LCORL: variants seen among roughly 807,000 people sequenced by gnomAD.
LCORL encodes ligand dependent nuclear receptor corepressor like.
In LCORL, 41 loss-of-function variants were observed where a neutral mutation model predicts 141.8. The ratio of observed to expected loss-of-function variants is 0.29; its 90% CI spans 0.23 to 0.38. The LOEUF is 0.38. Among genes scored for constraint, LCORL ranks in the 10% least tolerant of loss-of-function variants. The pLI is 1.00. For synonymous variants in LCORL, 618 were observed against 694.1 expected (o/e 0.89, Z 1.72); for missense variants, 1,759 against 2,035.0 (o/e 0.86, Z 2.61).
intron 7 of LCORL, among the ~76,000 whole-genome samples, chr4:17,847,418 T>C (rs774450500): frequency 6.6e-6 from 1 of 152,152 alleles, no homozygotes; most frequent in Non-Finnish European, 1.5e-5. Context: ...CTAAATCCGT[T>C]ATATCCTGTT....
rs985533541 is a variant in LCORL, at chr4:17,852,395, G to GA, written c.5603-6495dup. 2.6e-4 allele frequency among the ~76,000 whole-genome samples: 38 copies of GA among 147,540 alleles called. No homozygotes were observed. In the East Asian group the frequency reaches 3.0e-3, roughly 11 times the overall value. On this transcript the variant is annotated intron_variant, in intron 7 of 7. Coordinates refer to ENST00000635767, the Ensembl canonical transcript of LCORL. Reference sequence around the variant, plus strand: ...ACCTCTTGCCTCATTTTCTTCATAAGAAAAAAAAAAGGTACTTTCGCTGCT... The same window carrying GA: ...ACCTCTTGCCTCATTTTCTTCATAAGAAAAAAAAAAAGGTACTTTCGCTGCT...
chr4:17,843,410 T>C (rs1560238138), exon 8 of LCORL: 4 of 1,611,310 alleles, frequency 2.5e-6, no homozygotes, highest in Non-Finnish European at 2.5e-6. Context: ...AATTTCTCAA[T>C]GAAGATCTAA....
chr4:17,992,825 T>C (rs565374439), intron 1 of LCORL, among the ~76,000 whole-genome samples: 1 of 152,346 alleles, frequency 6.6e-6, no homozygotes, highest in South Asian at 2.1e-4. Flanking sequence ...TGTAAAACTG[T>C]AATTTATAAA....
At chr4:17,924,484 G>A (rs34984670) in intron 4 of LCORL, among the ~76,000 whole-genome samples, 3,267 of 152,248 alleles carry the variant, frequency 0.021, 62 homozygotes, top group Non-Finnish European at 0.034. Context: ...ACTATTCCTC[G>A]GGGTGATCAG....
intron 4 of LCORL, among the ~76,000 whole-genome samples, chr4:17,946,132 A>C (rs1738839742): frequency 6.6e-6 from 1 of 152,028 alleles, no homozygotes; most frequent in Admixed American, 6.5e-5. Context: ...CAAAACCATG[A>C]AAACCCACCT....
intron 5 of LCORL, chr4:17,893,641 G>C (rs1729447377): frequency 1.0e-6 from 1 of 974,102 alleles, no homozygotes; most frequent in East Asian, 1.1e-4. Context: ...TTGTTTTCTA[G>C]TTTTGCTACA....
At chr4:17,990,637 T>C (rs969568076) in intron 1 of LCORL, among the ~76,000 whole-genome samples, 2 of 144,988 alleles carry the variant, frequency 1.4e-5, no homozygotes, top group African/African-American at 5.4e-5. Context: ...TAAATTCCCA[T>C]CTTGGTTTTT....
chr4:17,893,454 T>G, intron 5 of LCORL: 2 of 985,248 alleles, frequency 2.0e-6, no homozygotes, highest in Non-Finnish European at 2.4e-6. Context: ...ATGCAAACAG[T>G]TTACAGAGGA....
At chr4:17,989,261 A>G (rs1391274994) in intron 1 of LCORL, among the ~76,000 whole-genome samples, 1 of 152,204 alleles carries the variant, frequency 6.6e-6, no homozygotes, top group African/African-American at 2.4e-5. Flanking sequence ...ACTGATTACA[A>G]TGAAGTTCTT....
intron 1 of LCORL, among the ~76,000 whole-genome samples, chr4:18,007,029 G>A (rs1369914218): frequency 1.3e-5 from 2 of 151,944 alleles, no homozygotes; most frequent in East Asian, 3.9e-4. Context: ...TCTTGTAATA[G>A]TCTCCCCCTC....
chr4:17,929,863 T>C (rs1473658333), intron 4 of LCORL, among the ~76,000 whole-genome samples: 1 of 152,206 alleles, frequency 6.6e-6, no homozygotes, highest in Non-Finnish European at 1.5e-5. Flanking sequence ...CCATGTCTTA[T>C]AAGGGTCCAA....
rs889455638 is a variant in LCORL at position 17,965,346 on chromosome 4, T to C, written c.221-2297A>G. On this transcript the variant is annotated intron_variant, in intron 2 of 7. Transcript: ENST00000635767. ...AATCAACTCTAGGCCAGATTTTCAC[T>C]CTCCCCAGGTTATCTTTCATGTCAT... 5.3e-5 allele frequency among the ~76,000 whole-genome samples: 8 copies of C among 152,204 alleles called. No homozygotes were observed. In the South Asian group the frequency reaches 1.7e-3, roughly 32 times the overall value.
At chr4:17,906,688 C>CT (rs36083281) in intron 5 of LCORL, among the ~76,000 whole-genome samples, 22,684 of 133,946 alleles carry the variant, frequency 0.17, 2,115 homozygotes, top group South Asian at 0.28. Flanking sequence ...TTTAAAATGC[C>CT]TTTTTTTTTT....
intron 6 of LCORL, chr4:17,880,331 C>G (rs1465703406): frequency 7.5e-6 from 4 of 532,512 alleles, no homozygotes; most frequent in South Asian, 8.1e-5. Flanking sequence ...TAGTTGAACA[C>G]ACATATAAAT....
chr4:17,965,672 C>T lies in LCORL; in HGVS notation c.221-2623G>A, dbSNP rs73802713. 8.1e-3 allele frequency among the ~76,000 whole-genome samples: 1,233 copies of T among 152,156 alleles called. 5 individuals carry two copies. Among genetic ancestry groups the T allele is most frequent in the African/African-American group, 0.027 (1,134 of 41,528 alleles). ...ATTTTGAAATAGGAGAACCCTAGTA[C>T]TGAACTTTTTGTGGCTTTTCCACAT... On this transcript the variant is annotated intron_variant, in intron 2 of 7. Coordinates refer to ENST00000635767, the Ensembl canonical transcript of LCORL.
At chr4:17,914,172 T>C (rs1228870714) in intron 4 of LCORL, among the ~76,000 whole-genome samples, 2 of 152,234 alleles carry the variant, frequency 1.3e-5, no homozygotes, top group Non-Finnish European at 2.9e-5. Flanking sequence ...TACCATTGCT[T>C]GATGATTATC....
intron 4 of LCORL, among the ~76,000 whole-genome samples, chr4:17,914,615 A>G (rs976063207): frequency 2.6e-5 from 4 of 152,230 alleles, no homozygotes; most frequent in African/African-American, 7.2e-5. Context: ...CAGCCTCTTA[A>G]ATCACTTGCA....
At chr4:17,885,921 T>C in intron 6 of LCORL, 147 bp downstream of exon 6, 1 of 379,566 alleles carries the variant, frequency 2.6e-6, no homozygotes. Flanking sequence ...AAAGGACAAA[T>C]GAAAGGTATG....
At position 17,937,853 on chromosome 4, in the gene LCORL, A is replaced by T. The variant is rs377125813; in HGVS notation, c.430+24050T>A. On this transcript the variant is annotated intron_variant, in intron 4 of 7. Coordinates refer to ENST00000635767, the Ensembl canonical transcript of LCORL. ...AATCTGGTCTACTTTCATATCTAGC[A>T]TGGAAGCAGCCAGGGGAGTCATTTG... Among the ~76,000 whole-genome samples, 5 of 152,206 alleles carry T rather than the reference A, an allele frequency of 3.3e-5. No homozygotes were observed. The South Asian group carries it at 1.0e-3, about 31-fold the overall frequency.
Sources: allele counts gnomAD v4.1 joint callset (sites outside exome capture counted in the v4.1 genomes callset), GRCh38; gene constraint gnomAD v4.1.1; transcripts MANE v1.5; gene names NCBI Gene and HGNC (gene_info 2026-07-23, HGNC 2026-07-21).